TG: variants seen among roughly 807,000 people sequenced by gnomAD.
TG encodes thyroglobulin, also known as thyroid hormones.
TG carries 270 observed loss-of-function variants against 324.7 expected under a neutral mutation model. That is an observed-to-expected ratio of 0.83 (90% CI 0.75 to 0.92). TG has a LOEUF of 0.92. TG is among the 40% of genes least tolerant of loss of function. The probability of loss-of-function intolerance (pLI) is 0.00; values close to 1 mark genes in which losing one functional copy is unlikely to be tolerated. For missense variants in TG, 3,591 were observed against 3,456.4 expected (o/e 1.04, Z -0.98); for synonymous variants, 1,401 against 1,327.0 (o/e 1.06, Z -1.21).
intron 32 of TG, 82 bp downstream of exon 32, chr8:132,969,651 A>AG: frequency 9.0e-7 from 1 of 1,105,612 alleles, no homozygotes; most frequent in East Asian, 2.4e-5. Context: ...AGCTAAAAAC[A>AG]GAAGCATACC....
At chr8:132,951,837 G>A (rs1489908724) in intron 27 of TG, among the ~76,000 whole-genome samples, 1 of 152,136 alleles carries the variant, frequency 6.6e-6, no homozygotes, top group Admixed American at 6.5e-5. Context: ...GGGAGGGAGT[G>A]TAATAATTTA....
intron 40 of TG, among the ~76,000 whole-genome samples, chr8:133,023,154 G>A (rs1386505925): frequency 6.6e-6 from 1 of 152,220 alleles, no homozygotes; most frequent in Non-Finnish European, 1.5e-5. Flanking sequence ...GTGAATGTGT[G>A]GGGTAGGCGT....
At chr8:132,999,144 G>C (rs72727479) in intron 35 of TG, among the ~76,000 whole-genome samples, 24,185 of 151,980 alleles carry the variant, frequency 0.16, 2,366 homozygotes, top group Middle Eastern at 0.31. Flanking sequence ...ACAGGTTCAG[G>C]GGGTAGCAGT....
At chr8:132,988,949 C>T in intron 35 of TG, 1 of 960,806 alleles carries the variant, frequency 1.0e-6, no homozygotes, top group Non-Finnish European at 1.2e-6. Context: ...CGAGACTGGA[C>T]AATTTGCAGA....
intron 35 of TG, chr8:132,995,330 AGCAGCT>A (rs1832768999): frequency 1.0e-6 from 1 of 985,170 alleles, no homozygotes; most frequent in South Asian, 4.7e-5. Flanking sequence ...TGGAATGAGC[AGCAGCT>A]GCTCCTGCTC....
At chr8:132,992,599 A>G (rs1373202784) in intron 35 of TG, among the ~76,000 whole-genome samples, 2 of 152,320 alleles carry the variant, frequency 1.3e-5, no homozygotes, top group Non-Finnish European at 2.9e-5. Flanking sequence ...ACTAAAGTAT[A>G]TAGACACTGT....
chr8:133,107,140 C>T (rs1336621081), intron 43 of TG, among the ~76,000 whole-genome samples: 1 of 152,098 alleles, frequency 6.6e-6, no homozygotes, highest in Non-Finnish European at 1.5e-5. Flanking sequence ...TTTTATTGAC[C>T]TGAAATGAAG....
chr8:133,051,542 A>AT (rs1224933207), intron 41 of TG, among the ~76,000 whole-genome samples: 4 of 152,172 alleles, frequency 2.6e-5, no homozygotes, highest in Non-Finnish European at 4.4e-5. Context: ...CATCTATTTA[A>AT]TAGGGACATT....
At chr8:133,105,383 T>TC (rs1168925841) in intron 43 of TG, among the ~76,000 whole-genome samples, 1 of 152,080 alleles carries the variant, frequency 6.6e-6, no homozygotes, top group Admixed American at 6.5e-5. Context: ...AGGATGAAGA[T>TC]CGTAGGCACA....
In TG at chr8:132,948,906, G is replaced by A; in HGVS notation, c.5364G>A (p.Gln1788=). 6.2e-7 allele frequency: 1 copy of A among 1,613,986 alleles called. No individual in the cohort carries two copies. The highest frequency in any genetic ancestry group is 8.5e-7 in the Non-Finnish European group (1 of 1,180,016). Reference sequence around the variant, plus strand: ...TGACATATGACCAGGAGAGCCACCAGGTGATATTGCGTCTTGGAGACCAGG... The same window carrying A: ...TGACATATGACCAGGAGAGCCACCAAGTGATATTGCGTCTTGGAGACCAGG... ...PGVTYDQESH[Q]VILRLGDQEF... is the part of the protein sequence containing the mutation. The change falls in exon 27 of 48, where the codon CAG becomes CAA. Residue 1788 remains glutamine (Q), a synonymous_variant. Coordinates refer to ENST00000220616, the MANE Select transcript of TG (RefSeq NM_003235.5).
chr8:133,095,083 G>A lies in TG; in HGVS notation c.7279G>A (p.Glu2427Lys). 2 of 1,614,186 alleles carry A rather than the reference G, an allele frequency of 1.2e-6. No individual in the cohort carries two copies. The highest frequency in any genetic ancestry group is 1.7e-6 in the Non-Finnish European group (2 of 1,180,044). ...CTCCCCGGCCGCCGTCATCAGCCAT[G>A]AGAGGGCTCAGCAGCAGGCAATTGC... ...ALSPAAVISH[E>K]RAQQQAIALA... The change falls in exon 42 of 48, where the codon GAG (glutamate) becomes AAG (lysine). Residue 2427 changes from glutamate to lysine, a missense_variant. By Grantham distance (56) the Glu-to-Lys change is moderately conservative (BLOSUM62 1). Coordinates refer to ENST00000220616, the MANE Select transcript of TG (RefSeq NM_003235.5).
rs1477182372 is a variant in TG, at chr8:132,874,707, C to A, written c.638+1486C>A. On this transcript the variant is annotated intron_variant, in intron 5 of 47. Coordinates refer to ENST00000220616, the MANE Select transcript of TG (RefSeq NM_003235.5). Reference sequence around the variant, plus strand: ...ACTGGAAACTTTTATTAGGTTGAACCCCATGAAATTTCTATTTTTGTAGGT... The same window carrying A: ...ACTGGAAACTTTTATTAGGTTGAACACCATGAAATTTCTATTTTTGTAGGT... Among the ~76,000 whole-genome samples, 3 of 152,068 alleles carry A rather than the reference C, an allele frequency of 2.0e-5. No individual in the cohort carries two copies. The East Asian group carries it at 5.8e-4, about 29-fold the overall frequency.
intron 45 of TG, among the ~76,000 whole-genome samples, chr8:133,123,528 C>A (rs1851298985): frequency 6.6e-6 from 1 of 152,154 alleles, no homozygotes; most frequent in Non-Finnish European, 1.5e-5. Context: ...CTGCTGGGAT[C>A]CTTCCCTCCC....
At chr8:132,893,592 G>C in intron 10 of TG, 98 bp from the exon 11 acceptor site, 1 of 1,519,624 alleles carries the variant, frequency 6.6e-7, no homozygotes, top group African/African-American at 1.4e-5. Context: ...TGTGTGTGTG[G>C]TGTGTATGTG....
chr8:133,100,900 C>T (rs1849143947), intron 43 of TG, among the ~76,000 whole-genome samples: 1 of 152,178 alleles, frequency 6.6e-6, no homozygotes, highest in Admixed American at 6.5e-5. Context: ...CATGCTCTTA[C>T]TTTACGTTAT....
At chr8:133,068,357 A>G (rs1382078407) in intron 41 of TG, among the ~76,000 whole-genome samples, 1 of 152,220 alleles carries the variant, frequency 6.6e-6, no homozygotes, top group Non-Finnish European at 1.5e-5. Flanking sequence ...CTCTCAGGCT[A>G]ACAGAGAGGC....
chr8:133,041,955 T>C (rs1442450181), intron 41 of TG, among the ~76,000 whole-genome samples: 1 of 151,706 alleles, frequency 6.6e-6, no homozygotes, highest in Non-Finnish European at 1.5e-5. Flanking sequence ...ACCTGGCTAA[T>C]TTTTTGTATT....
chr8:132,925,803 C>T (rs111824503), intron 22 of TG, among the ~76,000 whole-genome samples: 179 of 152,182 alleles, frequency 1.2e-3, no homozygotes, highest in African/African-American at 3.9e-3. Context: ...AATGGGTTGG[C>T]CTTGAGGATT....
intron 41 of TG, chr8:133,060,353 T>G: frequency 6.5e-7 from 1 of 1,543,708 alleles, no homozygotes. Flanking sequence ...TTGGTGAAGA[T>G]TGGTTACTTT....
Sources: allele counts gnomAD v4.1 joint callset (sites outside exome capture counted in the v4.1 genomes callset), GRCh38; gene constraint gnomAD v4.1.1; transcripts MANE v1.5; gene names NCBI Gene and HGNC (gene_info 2026-07-23, HGNC 2026-07-21).